TTC28: variants seen among roughly 807,000 people sequenced by gnomAD.
The protein encoded by TTC28 is tetratricopeptide repeat protein 28.
A neutral mutation model predicts 198.0 loss-of-function variants in TTC28; 61 were observed. That is an observed-to-expected ratio of 0.31 (90% CI 0.25 to 0.38). The LOEUF is 0.38. Ranked by LOEUF, TTC28 falls within the 10% of genes least tolerant of loss-of-function variation. The pLI is 1.00. For synonymous variants in TTC28, 1,171 were observed against 1,297.8 expected, an observed-to-expected ratio of 0.90 and a Z score of 2.10; for missense variants, 2,678 against 3,164.0, an observed-to-expected ratio of 0.85 and a Z score of 3.69.
At chr22:28,485,551 C>T (rs948159330) in intron 2 of TTC28, among the ~76,000 whole-genome samples, 1 of 152,102 alleles carries the variant, frequency 6.6e-6, no homozygotes, top group Admixed American at 6.6e-5. Flanking sequence ...AAATTTTACA[C>T]AGCATTGATA....
intron 2 of TTC28, among the ~76,000 whole-genome samples, chr22:28,493,377 A>G (rs1281496026): frequency 6.6e-6 from 1 of 152,172 alleles, no homozygotes; most frequent in Non-Finnish European, 1.5e-5. Context: ...TTTTTTAATT[A>G]AATTTTAAAA....
intron 1 of TTC28, among the ~76,000 whole-genome samples, chr22:28,645,316 C>G (rs1249863351): frequency 6.6e-6 from 1 of 151,806 alleles, no homozygotes; most frequent in Non-Finnish European, 1.5e-5. Context: ...ACTAGCAAAC[C>G]AAATCCAACA....
At chr22:28,001,177 C>T in intron 15 of TTC28, 197 bp downstream of exon 15, 1 of 612,766 alleles carries the variant, frequency 1.6e-6, no homozygotes, top group Non-Finnish European at 2.7e-6. Flanking sequence ...AAAGAATGGC[C>T]AGGGGTCATG....
chr22:28,288,347 T>C (rs530648858), intron 5 of TTC28, among the ~76,000 whole-genome samples: 1 of 152,326 alleles, frequency 6.6e-6, no homozygotes, highest in South Asian at 2.1e-4. Context: ...TATAACCACT[T>C]TGGGAAACTG....
At chr22:28,605,820 T>C (rs570226266) in intron 2 of TTC28, among the ~76,000 whole-genome samples, 68 of 152,330 alleles carry the variant, frequency 4.5e-4, no homozygotes, top group Non-Finnish European at 8.2e-4. Context: ...TATCCCTTTT[T>C]AGGAAGATGT....
chr22:28,560,277 A>G lies in TTC28; in HGVS notation c.381+69275T>C, dbSNP rs1389655589. Among the ~76,000 whole-genome samples the G allele has an allele frequency of 1.3e-5, 2 of 152,168 alleles. 1 individual carries two copies. The highest frequency in any genetic ancestry group is 4.1e-4 in the South Asian group (2 of 4,828). ...GTCTAAGTTATCATTTCTTTCCTGGATTGCAGCAACAGCGCTCTAATTGAC... is the reference window on the plus strand; with the variant it reads ...GTCTAAGTTATCATTTCTTTCCTGGGTTGCAGCAACAGCGCTCTAATTGAC... On this transcript the variant is annotated intron_variant, in intron 2 of 22. Transcript: ENST00000397906.
At chr22:28,104,210 A>G (rs1942234460) in intron 8 of TTC28, among the ~76,000 whole-genome samples, 1 of 152,222 alleles carries the variant, frequency 6.6e-6, no homozygotes, top group Admixed American at 6.5e-5. Context: ...CTGTAAAGTT[A>G]GAAACAACTT....
chr22:28,611,946 G>C (rs1425798112), intron 2 of TTC28, among the ~76,000 whole-genome samples: 1 of 152,032 alleles, frequency 6.6e-6, no homozygotes, highest in East Asian at 1.9e-4. Flanking sequence ...TAACCAGATA[G>C]CATCATAATG....
chr22:28,031,702 C>G (rs1044305118), intron 12 of TTC28, among the ~76,000 whole-genome samples: 7 of 152,156 alleles, frequency 4.6e-5, no homozygotes, highest in African/African-American at 1.7e-4. Context: ...TATGTGAACA[C>G]CAACCATGGT....
intron 2 of TTC28, among the ~76,000 whole-genome samples, chr22:28,378,861 G>A (rs887662798): frequency 2.0e-5 from 3 of 152,042 alleles, no homozygotes; most frequent in African/African-American, 7.2e-5. Flanking sequence ...AGAGACAGGA[G>A]AGGGCAAAAA....
At chr22:28,310,173 CAA>C (rs549879100) in intron 2 of TTC28, among the ~76,000 whole-genome samples, 19,234 of 93,964 alleles carry the variant, frequency 0.2, 1,532 homozygotes, top group East Asian at 0.51. Flanking sequence ...CACACACACA[CAA>C]AAAACAAGAC....
At chr22:28,033,398 A>G (rs1431005710) in intron 12 of TTC28, among the ~76,000 whole-genome samples, 4 of 152,154 alleles carry the variant, frequency 2.6e-5, no homozygotes, top group African/African-American at 7.2e-5. Context: ...CTTTCTAGAG[A>G]TGGCACATCT....
At chr22:28,201,381 G>A (rs902506407) in intron 5 of TTC28, among the ~76,000 whole-genome samples, 3 of 152,090 alleles carry the variant, frequency 2.0e-5, no homozygotes, top group Admixed American at 1.3e-4. Context: ...GGCAGCTGAG[G>A]TCAAAACACA....
rs1441581902 is a variant in TTC28 at position 27,982,122 on chromosome 22, T to G, written c.*99A>C. On this transcript the variant is annotated 3_prime_UTR_variant, in exon 23 of 23. Coordinates refer to ENST00000397906, the MANE Select transcript of TTC28 (RefSeq NM_001145418.2). The surrounding 1 kb of genome is among the most constrained non-coding windows in gnomAD (Gnocchi z 5.2). ...CCTGCAGAGCACAGCATCATGAGGG[T>G]GCTGGTGGCTGTGGGGGGACTGCAC... The G allele has an allele frequency of 8.2e-7, 1 of 1,220,608 alleles. No individual in the cohort carries two copies. Among genetic ancestry groups the G allele is most frequent in the Non-Finnish European group, 1.1e-6 (1 of 896,350 alleles). 75.6% of individuals were successfully genotyped at this position (1,220,608 alleles called of 1,614,324 possible).
At chr22:28,390,910 G>A (rs978545634) in intron 2 of TTC28, among the ~76,000 whole-genome samples, 1 of 151,816 alleles carries the variant, frequency 6.6e-6, no homozygotes, top group Non-Finnish European at 1.5e-5. Context: ...TTATTTTGCT[G>A]GTTAGTTGAT....
chr22:28,057,484 T>A (rs1312839954), intron 12 of TTC28, among the ~76,000 whole-genome samples: 2 of 152,160 alleles, frequency 1.3e-5, no homozygotes, highest in Non-Finnish European at 2.9e-5. Context: ...ATTGGATTAT[T>A]CTATTAATTA....
At chr22:28,653,460 G>A (rs549755448) in intron 1 of TTC28, among the ~76,000 whole-genome samples, 2 of 151,744 alleles carry the variant, frequency 1.3e-5, no homozygotes, top group East Asian at 1.9e-4. Context: ...CTGAGATGGT[G>A]CCACTGCACT....
At chr22:28,319,568 C>T (rs1481275979) in intron 2 of TTC28, among the ~76,000 whole-genome samples, 1 of 152,082 alleles carries the variant, frequency 6.6e-6, no homozygotes, top group African/African-American at 2.4e-5. Context: ...GGAGGTTATA[C>T]ATGTATGAGG....
chr22:28,410,516 T>G (rs924219606), intron 2 of TTC28, among the ~76,000 whole-genome samples: 11 of 152,194 alleles, frequency 7.2e-5, no homozygotes, highest in Admixed American at 5.9e-4. Flanking sequence ...AGCAAATATT[T>G]CATTGTGAAA....
Sources: allele counts gnomAD v4.1 joint callset (sites outside exome capture counted in the v4.1 genomes callset), GRCh38; gene constraint gnomAD v4.1.1; non-coding constraint Gnocchi (gnomAD v3.1); transcripts MANE v1.5; gene names NCBI Gene and HGNC (gene_info 2026-07-23, HGNC 2026-07-21).